The following PDE1A variants were observed in gnomAD, a reference collection of about 807,000 sequenced individuals.
PDE1A encodes the protein phosphodiesterase 1A.
In PDE1A, 35 loss-of-function variants were observed where a neutral mutation model predicts 61.7. The ratio of observed to expected loss-of-function variants is 0.57; its 90% CI spans 0.43 to 0.75. The LOEUF (loss-of-function observed/expected upper bound fraction) is 0.75, where lower values mean the gene tolerates loss of function less well. PDE1A is among the 30% of genes least tolerant of loss of function. The probability of loss-of-function intolerance (pLI) is 0.00; values close to 1 mark genes in which losing one functional copy is unlikely to be tolerated. For missense variants in PDE1A, 597 were observed against 630.6 expected (o/e 0.95, Z 0.57); for synonymous variants, 232 against 213.2 (o/e 1.09, Z -0.77).
At chr2:182,157,984 T>G (rs1196069) in intron 13 of PDE1A, among the ~76,000 whole-genome samples, 74,079 of 152,004 alleles carry the variant, frequency 0.49, 19,566 homozygotes, top group African/African-American at 0.69. Context: ...GGTGAGAAAG[T>G]CTCTTGGCTT....
chr2:182,236,265 T>C (rs1392213122), intron 3 of PDE1A, among the ~76,000 whole-genome samples: 1 of 151,990 alleles, frequency 6.6e-6, no homozygotes, highest in Middle Eastern at 3.2e-3. Context: ...GGTATAATTA[T>C]TCTAATCTTG....
intron 2 of PDE1A, among the ~76,000 whole-genome samples, chr2:182,512,129 G>A (rs150660661): frequency 2.0e-3 from 297 of 152,204 alleles, no homozygotes; most frequent in African/African-American, 4.9e-3. Context: ...CGCCACTATC[G>A]CACATGTGCA....
In PDE1A at chr2:182,274,641, A is replaced by G. The variant is rs1419354742; in HGVS notation, c.54-10227T>C. On this transcript the variant is annotated intron_variant, in intron 1 of 13. Transcript: ENST00000351439. The stretch of plus-strand genomic sequence containing the variant: ...CAACTTTTATTGTGAAGGTTGTTAT[A>G]TGTATTATAAAAATTATTTTAGACT... 2.0e-5 allele frequency among the ~76,000 whole-genome samples: 3 copies of G among 152,154 alleles called. No individual in the cohort carries two copies. In the East Asian group the frequency reaches 5.8e-4, roughly 29 times the overall value.
chr2:182,353,866 C>T (rs1699027015), intron 1 of PDE1A, among the ~76,000 whole-genome samples: 1 of 152,022 alleles, frequency 6.6e-6, no homozygotes, highest in Non-Finnish European at 1.5e-5. Flanking sequence ...TTTAATAAAT[C>T]TAATTATATG....
At chr2:182,167,525 T>C (rs1054733473), downstream of PDE1A, among the ~76,000 whole-genome samples, 4 of 152,144 alleles carry the variant, frequency 2.6e-5, no homozygotes, top group Admixed American at 1.3e-4. Flanking sequence ...TAAATATGTA[T>C]AGCTTTTTCC....
At chr2:182,303,337 A>C (rs1334911162) in intron 1 of PDE1A, among the ~76,000 whole-genome samples, 2 of 152,220 alleles carry the variant, frequency 1.3e-5, no homozygotes, top group African/African-American at 4.8e-5. Flanking sequence ...GCATGAAAAT[A>C]ATATTAATTG....
the PDE1A span, among the ~76,000 whole-genome samples, chr2:182,635,944 G>A: frequency 2.4e-5 from 3 of 126,644 alleles, no homozygotes; most frequent in Admixed American, 9.3e-5. Flanking sequence ...CGATCTCACC[G>A]GTATTTTTTT....
the PDE1A span, among the ~76,000 whole-genome samples, chr2:182,580,368 T>C: frequency 2.6e-5 from 4 of 152,182 alleles, no homozygotes; most frequent in Non-Finnish European, 5.9e-5. Context: ...CATTCGCTTA[T>C]GGGTAGCTGT....
At chr2:182,589,257 AAGGGAGGG>A in the PDE1A span, among the ~76,000 whole-genome samples, 1 of 122,888 alleles carries the variant, frequency 8.1e-6, no homozygotes, top group African/African-American at 3.0e-5. Flanking sequence ...GAAAAGAAGG[AAGGGAGGG>A]AGGGAGGAAG....
intron 6 of PDE1A, among the ~76,000 whole-genome samples, chr2:182,229,008 C>T (rs976734981): frequency 1.2e-4 from 19 of 152,082 alleles, no homozygotes; most frequent in African/African-American, 3.6e-4. Context: ...GAAGTTGGAA[C>T]GGCTTATTTG....
At chr2:182,190,519 C>T (rs1685598469) in intron 10 of PDE1A, among the ~76,000 whole-genome samples, 1 of 151,156 alleles carries the variant, frequency 6.6e-6, no homozygotes, top group Non-Finnish European at 1.5e-5. Flanking sequence ...TTATCTGTTA[C>T]CTAATTTTGT....
the PDE1A span, among the ~76,000 whole-genome samples, chr2:182,630,669 T>G: frequency 2.0e-5 from 3 of 152,190 alleles, no homozygotes; most frequent in Admixed American, 6.5e-5. Context: ...ATGTAAACAT[T>G]TAGAAGATTC....
the PDE1A span, among the ~76,000 whole-genome samples, chr2:182,569,546 C>T: frequency 6.6e-6 from 1 of 152,212 alleles, no homozygotes; most frequent in East Asian, 1.9e-4. Flanking sequence ...AGCAAACTTC[C>T]TCTCTTTAAC....
At chr2:182,606,368 C>T in the PDE1A span, among the ~76,000 whole-genome samples, 3 of 152,218 alleles carry the variant, frequency 2.0e-5, no homozygotes, top group African/African-American at 7.2e-5. Context: ...TTAGTAGAGA[C>T]GGGGTTTCAC....
exon 13 of PDE1A, chr2:182,185,907 C>G (rs370742608): frequency 6.2e-7 from 1 of 1,613,992 alleles, no homozygotes; most frequent in African/African-American, 1.3e-5. Flanking sequence ...GCAGCTAACT[C>G]TTTCCACCTC....
the PDE1A span, among the ~76,000 whole-genome samples, chr2:182,702,222 G>T: frequency 6.6e-6 from 1 of 152,152 alleles, no homozygotes; most frequent in Non-Finnish European, 1.5e-5. Context: ...TCTTGCCTCA[G>T]CCTCCCAAGT....
the PDE1A span, among the ~76,000 whole-genome samples, chr2:182,564,703 A>G: frequency 3.3e-5 from 5 of 152,104 alleles, no homozygotes; most frequent in Non-Finnish European, 7.4e-5. Flanking sequence ...TCAGACGTAG[A>G]TTTGGTCTTT....
At chr2:182,451,095 A>ATACAAAT (rs1685482132) in intron 2 of PDE1A, among the ~76,000 whole-genome samples, 3,680 of 89,554 alleles carry the variant, frequency 0.041, 1,053 homozygotes, top group East Asian at 0.14. Flanking sequence ...TATTTTAACT[A>ATACAAAT]GGGCCGGGCG....
intron 1 of PDE1A, among the ~76,000 whole-genome samples, chr2:182,392,277 G>C (rs1007574364): frequency 6.6e-6 from 1 of 152,220 alleles, no homozygotes; most frequent in Non-Finnish European, 1.5e-5. Flanking sequence ...AGGCAAGAGA[G>C]ACAGCATGTG....
Sources: gnomAD v4.1 joint callset for allele counts (sites outside exome capture counted in the v4.1 genomes callset) on GRCh38, gnomAD v4.1.1 for gene constraint, MANE v1.5 for transcripts, NCBI Gene and HGNC (gene_info 2026-07-23, HGNC 2026-07-21) for gene names.